Variants in GALNTL6 observed in about 807,000 individuals in gnomAD.
GALNTL6 encodes the protein polypeptide N-acetylgalactosaminyltransferase like 6, also known as polypeptide N-acetylgalactosaminyltransferase-like 6.
GALNTL6 carries 46 observed loss-of-function variants against 73.7 expected under a neutral mutation model. The observed-to-expected ratio is 0.62, with a 90% CI of 0.49 to 0.80. GALNTL6 has a LOEUF of 0.80. Ranked by LOEUF, GALNTL6 falls within the 30% of genes least tolerant of loss-of-function variation. GALNTL6 has a pLI of 0.00. For synonymous variants in GALNTL6, 259 were observed against 263.7 expected, an observed-to-expected ratio of 0.98 and a Z score of 0.17; for missense variants, 604 against 755.0, an observed-to-expected ratio of 0.80 and a Z score of 2.34.
intron 5 of GALNTL6, among the ~76,000 whole-genome samples, chr4:172,567,631 T>G (rs539882732): frequency 5.9e-5 from 9 of 152,002 alleles, no homozygotes; most frequent in South Asian, 2.1e-4. Context: ...AGGCCAGGAG[T>G]TGGAGAACAG....
chr4:172,785,401 A>C (rs537177520), intron 5 of GALNTL6, among the ~76,000 whole-genome samples: 55 of 152,290 alleles, frequency 3.6e-4, no homozygotes, highest in Non-Finnish European at 7.2e-4. Flanking sequence ...AAAGGAAGAT[A>C]ATGATTTTCT....
chr4:173,017,501 A>G (rs1027466693), intron 11 of GALNTL6, among the ~76,000 whole-genome samples: 1 of 152,234 alleles, frequency 6.6e-6, no homozygotes, highest in African/African-American at 2.4e-5. Flanking sequence ...TGTGCCAATG[A>G]AAAGACTCAA....
At chr4:172,916,720 AC>A (rs770880932) in intron 8 of GALNTL6, among the ~76,000 whole-genome samples, 51 of 152,228 alleles carry the variant, frequency 3.4e-4, no homozygotes, top group Non-Finnish European at 5.1e-4. Flanking sequence ...AAGGAGAACT[AC>A]AAACCACTGC....
intron 2 of GALNTL6, among the ~76,000 whole-genome samples, chr4:172,078,276 TA>T (rs1460272582): frequency 3.3e-5 from 5 of 152,130 alleles, no homozygotes; most frequent in Non-Finnish European, 5.9e-5. Context: ...TGTGATGGCT[TA>T]AAAGTGTACG....
At chr4:172,357,289 A>AT (rs1414709466) in intron 5 of GALNTL6, among the ~76,000 whole-genome samples, 2 of 152,118 alleles carry the variant, frequency 1.3e-5, no homozygotes, top group African/African-American at 4.8e-5. Context: ...ACTTAAATGG[A>AT]TTTTGGGCTG....
intron 5 of GALNTL6, among the ~76,000 whole-genome samples, chr4:172,702,496 C>A (rs912421116): frequency 6.6e-6 from 1 of 151,920 alleles, no homozygotes; most frequent in African/African-American, 2.4e-5. Context: ...CAGTTCCCCC[C>A]ACCCCGACCC....
intron 2 of GALNTL6, among the ~76,000 whole-genome samples, chr4:172,017,853 G>A (rs1379268150): frequency 1.3e-5 from 2 of 152,036 alleles, no homozygotes; most frequent in Non-Finnish European, 1.5e-5. Flanking sequence ...GTCCTGTGAT[G>A]GGACCCATTT....
At chr4:172,331,086 C>A (rs938812217) in intron 4 of GALNTL6, among the ~76,000 whole-genome samples, 1 of 151,812 alleles carries the variant, frequency 6.6e-6, no homozygotes, top group African/African-American at 2.4e-5. Flanking sequence ...ACTTTAATAT[C>A]TTTGCCTATT....
chr4:172,481,004 T>C (rs1484554775), intron 5 of GALNTL6, among the ~76,000 whole-genome samples: 1 of 152,148 alleles, frequency 6.6e-6, no homozygotes, highest in East Asian at 1.9e-4. Context: ...GTGTCCAAAA[T>C]TGGTGGGTTC....
chr4:171,916,123 AAATT>A (rs758913338), intron 2 of GALNTL6, among the ~76,000 whole-genome samples: 1 of 152,118 alleles, frequency 6.6e-6, no homozygotes, highest in Non-Finnish European at 1.5e-5. Context: ...TTTTGATTAA[AAATT>A]AATTATTGAT....
intron 5 of GALNTL6, among the ~76,000 whole-genome samples, chr4:172,716,467 A>T (rs1427907042): frequency 6.7e-6 from 1 of 148,680 alleles, no homozygotes; most frequent in Non-Finnish European, 1.5e-5. Context: ...AAAGCTCATT[A>T]TCTCCTCGAT....
rs1324151634 is a variant in GALNTL6 at position 172,170,544 on chromosome 4, C to T, written c.139-59112C>T. Among the ~76,000 whole-genome samples, 6 of 139,578 alleles carry T rather than the reference C, an allele frequency of 4.3e-5. 1 individual carries two copies. In the East Asian group the frequency reaches 6.3e-4, roughly 15 times the overall value. 91.6% of individuals were successfully genotyped at this position (139,578 alleles called of 152,430 possible). ...TTTTTTTTTGAGACAGAGTCTCGCTCTGTCACCCAGTCTAGAGTGTAGTGG... is the reference window on the plus strand; with the variant it reads ...TTTTTTTTTGAGACAGAGTCTCGCTTTGTCACCCAGTCTAGAGTGTAGTGG... On this transcript the variant is annotated intron_variant, in intron 2 of 12. Coordinates refer to ENST00000506823, the MANE Select transcript of GALNTL6 (RefSeq NM_001034845.3).
At chr4:171,956,709 A>G (rs1003661763) in intron 2 of GALNTL6, among the ~76,000 whole-genome samples, 3 of 152,208 alleles carry the variant, frequency 2.0e-5, no homozygotes, top group Non-Finnish European at 4.4e-5. Flanking sequence ...ATAAATATGC[A>G]TTGACTTTAT....
chr4:171,875,746 T>C (rs141133576), intron 2 of GALNTL6, among the ~76,000 whole-genome samples: 121 of 150,480 alleles, frequency 8.0e-4, no homozygotes, highest in African/African-American at 2.8e-3. Flanking sequence ...TGCATAGGAA[T>C]TTTCCCTCCT....
intron 5 of GALNTL6, among the ~76,000 whole-genome samples, chr4:172,441,626 A>T (rs1015358104): frequency 6.6e-6 from 1 of 152,158 alleles, no homozygotes; most frequent in African/African-American, 2.4e-5. Flanking sequence ...ATGCTGTCTT[A>T]TATTCCTAAG....
chr4:172,298,880 A>G (rs1578926402), intron 3 of GALNTL6, among the ~76,000 whole-genome samples: 2 of 152,330 alleles, frequency 1.3e-5, no homozygotes, highest in African/African-American at 4.8e-5. Flanking sequence ...TGCTGGCCTC[A>G]TGAAATGAGT....
At chr4:171,981,056 T>C (rs77715616) in intron 2 of GALNTL6, among the ~76,000 whole-genome samples, 3,848 of 152,292 alleles carry the variant, frequency 0.025, 178 homozygotes, top group African/African-American at 0.087. Flanking sequence ...TTGGAGAGTT[T>C]ATTTTGCCAA....
chr4:172,377,059 G>A (rs1743057965), intron 5 of GALNTL6, among the ~76,000 whole-genome samples: 1 of 152,124 alleles, frequency 6.6e-6, no homozygotes, highest in Admixed American at 6.5e-5. Flanking sequence ...CAGTGTGGAA[G>A]GGGACCCAAG....
intron 2 of GALNTL6, among the ~76,000 whole-genome samples, chr4:172,219,177 T>C (rs1483173074): frequency 9.0e-6 from 1 of 110,682 alleles, no homozygotes; most frequent in Admixed American, 1.0e-4. Flanking sequence ...TCAGAAAATA[T>C]AATATGTCAG....
Sources: allele counts gnomAD v4.1 joint callset (sites outside exome capture counted in the v4.1 genomes callset), GRCh38; gene constraint gnomAD v4.1.1; transcripts MANE v1.5; gene names NCBI Gene and HGNC (gene_info 2026-07-23, HGNC 2026-07-21).